The following YBX1 variants were observed in gnomAD, a reference collection of about 807,000 sequenced individuals.
The protein encoded by YBX1 is Y-box binding protein 1, also known as Y-box-binding protein 1.
In YBX1, 3 loss-of-function variants were observed where a neutral mutation model predicts 41.4. The observed-to-expected ratio is 0.07, with a 90% confidence interval of 0.03 to 0.19. The LOEUF is 0.19. Among genes scored for constraint, YBX1 ranks in the 10% least tolerant of loss-of-function variants. The pLI is 1.00. For missense variants in YBX1, 274 were observed against 462.8 expected (o/e 0.59, Z 3.74); for synonymous variants, 133 against 165.8 (o/e 0.80, Z 1.52).
At chr1:42,697,363 C>T in intron 6 of YBX1, 101 bp downstream of exon 6, 2 of 1,162,756 alleles carry the variant, frequency 1.7e-6, no homozygotes, top group Non-Finnish European at 2.4e-6. Context: ...TCTGTTAACA[C>T]TTCACGTTTT....
In YBX1 at chr1:42,702,667, G is replaced by T. The variant is rs1161638534; in HGVS notation, c.*718G>T. On this transcript the variant is annotated 3_prime_UTR_variant, in exon 8 of 8. Transcript: ENST00000321358. ...AAAGGGCATTGCTCTAGCCTAGACC[G>T]ACCAGACTCTCATCCTGCTCCACTT... is the stretch of plus-strand genomic sequence containing the variant. Among the ~76,000 whole-genome samples, 2 of 152,136 alleles carry T rather than the reference G, an allele frequency of 1.3e-5. No individual in the cohort carries two copies. Among genetic ancestry groups the T allele is most frequent in the Non-Finnish European group, 2.9e-5 (2 of 68,026 alleles).
At chr1:42,692,909 C>T (rs914410554) in intron 2 of YBX1, among the ~76,000 whole-genome samples, 1 of 152,218 alleles carries the variant, frequency 6.6e-6, no homozygotes, top group Non-Finnish European at 1.5e-5. Flanking sequence ...GTGGTCTAAA[C>T]CTTCATCAGT....
intron 1 of YBX1, 81 bp downstream of exon 1, chr1:42,682,812 G>A: frequency 7.0e-6 from 7 of 1,002,358 alleles, no homozygotes; most frequent in East Asian, 3.9e-5. Flanking sequence ...GCGAGCCGGC[G>A]GGCGCGCGGC....
At chr1:42,685,957 T>C (rs1650184244) in intron 2 of YBX1, among the ~76,000 whole-genome samples, 1 of 152,236 alleles carries the variant, frequency 6.6e-6, no homozygotes, top group Non-Finnish European at 1.5e-5. Flanking sequence ...GTTTTGGCTT[T>C]ATTTTGTTAG....
chr1:42,697,755 A>T (rs1184600819), intron 6 of YBX1, among the ~76,000 whole-genome samples: 2 of 152,156 alleles, frequency 1.3e-5, no homozygotes, highest in Non-Finnish European at 2.9e-5. Flanking sequence ...TGCGGGGGGA[A>T]ATCCAGTCTG....
intron 2 of YBX1, among the ~76,000 whole-genome samples, chr1:42,685,738 G>A (rs1031992721): frequency 2.0e-5 from 3 of 152,048 alleles, no homozygotes; most frequent in African/African-American, 7.2e-5. Flanking sequence ...AGGATTGTAA[G>A]GAATTTTTAT....
chr1:42,693,666 TAA>T (rs1331456244), intron 3 of YBX1, 143 bp downstream of exon 3: 17 of 734,620 alleles, frequency 2.3e-5, no homozygotes, highest in Non-Finnish European at 3.7e-5. Context: ...GTAGCATGCT[TAA>T]AAATGTATAC....
Position 42,693,892 on chromosome 1 carries a change from T to A in YBX1, c.264+369T>A, listed in dbSNP as rs201229052. ...TTGGCAAGAAGTTTTCAAAGGCTTT[T>A]AGGTGTACCTGTAGGGACAAATCTC... On this transcript the variant is annotated intron_variant, in intron 3 of 7. Coordinates refer to ENST00000321358, the MANE Select transcript of YBX1 (RefSeq NM_004559.5). Among the ~76,000 whole-genome samples, 3 of 152,334 alleles carry A rather than the reference T, an allele frequency of 2.0e-5. No individual in the cohort carries two copies. In the East Asian group the frequency reaches 5.8e-4, roughly 29 times the overall value.
Position 42,703,444 on chromosome 1 carries a change from C to G in YBX1, c.*1495C>G, listed in dbSNP as rs547345967. ...AGTCATCTCCTGCTTGGGACTAACTCTTTGCAGAGGACTTGATAAGAGACT... is the reference window on the plus strand; with the variant it reads ...AGTCATCTCCTGCTTGGGACTAACTGTTTGCAGAGGACTTGATAAGAGACT... On this transcript the variant is annotated 3_prime_UTR_variant, in exon 8 of 8. Coordinates refer to ENST00000321358, the MANE Select transcript of YBX1 (RefSeq NM_004559.5). Among the ~76,000 whole-genome samples the G allele has an allele frequency of 2.6e-5, 4 of 151,942 alleles. No homozygotes were observed. The highest frequency in any genetic ancestry group is 5.9e-5 in the Non-Finnish European group (4 of 68,010).
Position 42,700,919 on chromosome 1 carries a change from A to G in YBX1, c.879A>G (p.Glu293=). The G allele has an allele frequency of 6.2e-7, 1 of 1,614,122 alleles. No individual in the cohort carries two copies. The highest frequency in any genetic ancestry group is 1.3e-5 in the African/African-American group (1 of 75,022). Residue 293 remains glutamate, a synonymous_variant, in exon 7 of 8, where the codon GAA becomes GAG. Transcript: ENST00000321358. ...RNFNYRRRRP[E]NPKPQDGKET... ...TCAATTACCGACGCAGACGCCCAGA[A>G]AACCCTAAACCACAAGATGGCAAAG...
chr1:42,684,616 T>C (rs1650146266), intron 2 of YBX1, among the ~76,000 whole-genome samples: 1 of 152,250 alleles, frequency 6.6e-6, no homozygotes, highest in Non-Finnish European at 1.5e-5. Context: ...ATCTATTCTC[T>C]ACTTTTGCAA....
intron 1 of YBX1, 87 bp from the exon 2 acceptor site, chr1:42,683,316 G>T (rs1373543402): frequency 4.6e-6 from 7 of 1,534,366 alleles, no homozygotes; most frequent in Non-Finnish European, 5.4e-6. Flanking sequence ...GGCGGCCGGC[G>T]TGCGAGGGAC....
At chr1:42,683,237 T>TGCGGCGGCG (rs760257968) in intron 1 of YBX1, 166 bp from the exon 2 acceptor site, 2 of 789,634 alleles carry the variant, frequency 2.5e-6, no homozygotes, top group South Asian at 2.9e-5. Context: ...CACCCACGTG[T>TGCGGCGGCG]GCGGCGGCGG....
At position 42,682,451 on chromosome 1, in the gene YBX1, G is replaced by A. The variant is rs1274558412; in HGVS notation, c.-115G>A. Reference sequence around the variant, plus strand: ...TAGTTCGATCGGTAGCGGGAGCGGAGAGCGGACCCCAGAGAGCCCTGAGCA... The same window carrying A: ...TAGTTCGATCGGTAGCGGGAGCGGAAAGCGGACCCCAGAGAGCCCTGAGCA... On this transcript the variant is annotated 5_prime_UTR_variant, in exon 1 of 8. Coordinates refer to ENST00000321358, the MANE Select transcript of YBX1 (RefSeq NM_004559.5). The A allele has an allele frequency of 2.5e-6, 3 of 1,205,786 alleles. No individual in the cohort carries two copies. Among genetic ancestry groups the A allele is most frequent in the Non-Finnish European group, 3.2e-6 (3 of 941,950 alleles). The allele number at this position is 1,205,786 out of a possible 1,614,324, so 74.7% of individuals were successfully genotyped here.
At chr1:42,685,455 T>C (rs951312334) in intron 2 of YBX1, among the ~76,000 whole-genome samples, 4 of 152,210 alleles carry the variant, frequency 2.6e-5, no homozygotes, top group Admixed American at 6.5e-5. Flanking sequence ...TGCTGTAAAA[T>C]CTGACTCCAA....
In YBX1 at chr1:42,683,383, T is replaced by C. The variant is rs946506294; in HGVS notation, c.167-20T>C. The C allele has an allele frequency of 6.2e-7, 1 of 1,614,078 alleles. No individual in the cohort carries two copies. ...GATAGCTGGTAATCGTGGCTTGTTT[T>C]GCTTTGTTTTCTTTTCCAGCAACGA... On this transcript the variant is annotated intron_variant, in intron 1 of 7. Transcript: ENST00000321358.
chr1:42,690,575 A>G (rs1316321489), intron 2 of YBX1, among the ~76,000 whole-genome samples: 1 of 152,170 alleles, frequency 6.6e-6, no homozygotes. Flanking sequence ...AATTGTACAT[A>G]TGTATGTGTC....
intron 7 of YBX1, 67 bp from the exon 8 acceptor site, chr1:42,701,914 G>C (rs1000303284): frequency 6.6e-6 from 1 of 152,564 alleles, no homozygotes; most frequent in Non-Finnish European, 1.5e-5. Context: ...GTAAACTAGG[G>C]CATGTACTAC....
At chr1:42,683,051 T>G in intron 1 of YBX1, 2 of 429,254 alleles carry the variant, frequency 4.7e-6, no homozygotes, top group Non-Finnish European at 9.0e-6. Context: ...CACGCCGTTG[T>G]TCGCGTCACC....
Sources: allele counts gnomAD v4.1 joint callset (sites outside exome capture counted in the v4.1 genomes callset), GRCh38; gene constraint gnomAD v4.1.1; transcripts MANE v1.5; gene names NCBI Gene and HGNC (gene_info 2026-07-23, HGNC 2026-07-21).